TENM3: variants seen among roughly 807,000 people sequenced by gnomAD.
TENM3 encodes the protein teneurin transmembrane protein 3.
Under a neutral mutation model 255.1 loss-of-function variants are expected in TENM3, and 63 were observed. That is an observed-to-expected ratio of 0.25 (90% confidence interval 0.20 to 0.30). The LOEUF is 0.30. Among genes scored for constraint, TENM3 ranks in the 10% least tolerant of loss-of-function variants. The probability of loss-of-function intolerance (pLI) is 1.00; values close to 1 mark genes in which losing one functional copy is unlikely to be tolerated. For missense variants in TENM3, 2,929 were observed against 3,461.1 expected, an observed-to-expected ratio of 0.85 and a Z score of 3.86; for synonymous variants, 1,306 against 1,322.3, an observed-to-expected ratio of 0.99 and a Z score of 0.27.
chr4:182,255,848 A>G (rs1258705586), intron 1 of TENM3, among the ~76,000 whole-genome samples: 1 of 152,194 alleles, frequency 6.6e-6, no homozygotes, highest in Non-Finnish European at 1.5e-5. Context: ...TGAAGTACTG[A>G]AAAGTTATAT....
At chr4:182,273,761 T>C (rs1759808672) in intron 1 of TENM3, among the ~76,000 whole-genome samples, 1 of 152,196 alleles carries the variant, frequency 6.6e-6, no homozygotes, top group African/African-American at 2.4e-5. Context: ...TTTCCAGCAG[T>C]GAATACCCTG....
At chr4:182,067,968 A>G in the TENM3 span, among the ~76,000 whole-genome samples, 1 of 152,150 alleles carries the variant, frequency 6.6e-6, no homozygotes, top group African/African-American at 2.4e-5. Context: ...GCTGCCAGGA[A>G]AGAGAACTAG....
chr4:182,100,580 T>TATATGCAC, the TENM3 span, among the ~76,000 whole-genome samples: 1 of 99,504 alleles, frequency 1.0e-5, no homozygotes, highest in African/African-American at 4.6e-5. Flanking sequence ...TATATACACA[T>TATATGCAC]ATATATACAC....
At chr4:182,223,537 A>G (rs1202827965) in intron 1 of TENM3, among the ~76,000 whole-genome samples, 1 of 152,208 alleles carries the variant, frequency 6.6e-6, no homozygotes, top group Non-Finnish European at 1.5e-5. Context: ...CTTACAGTTT[A>G]TAACATGTTT....
the TENM3 span, among the ~76,000 whole-genome samples, chr4:182,123,008 C>T: frequency 6.6e-6 from 1 of 152,188 alleles, no homozygotes; most frequent in Non-Finnish European, 1.5e-5. Context: ...TTTCCTTAAA[C>T]CAACTTCTTG....
At chr4:182,473,236 A>C (rs1036143417) in intron 3 of TENM3, among the ~76,000 whole-genome samples, 2 of 152,192 alleles carry the variant, frequency 1.3e-5, no homozygotes, top group African/African-American at 4.8e-5. Flanking sequence ...GAAAATGTCT[A>C]TGGCTTCAAG....
At chr4:182,370,423 A>G (rs1021445450) in intron 3 of TENM3, among the ~76,000 whole-genome samples, 13 of 152,188 alleles carry the variant, frequency 8.5e-5, no homozygotes, top group Non-Finnish European at 1.5e-5. Flanking sequence ...TTTTTGATGA[A>G]TACCTTACCA....
intron 3 of TENM3, among the ~76,000 whole-genome samples, chr4:182,413,421 A>C (rs1770148899): frequency 6.6e-6 from 1 of 152,184 alleles, no homozygotes; most frequent in East Asian, 1.9e-4. Context: ...GTCTGAGAAC[A>C]GCCTGGCCAA....
At chr4:182,187,023 A>G (rs1753207128) in intron 1 of TENM3, among the ~76,000 whole-genome samples, 1 of 151,158 alleles carries the variant, frequency 6.6e-6, no homozygotes, top group African/African-American at 2.4e-5. Context: ...CAGTTGTTTG[A>G]CTATATTATT....
At chr4:181,760,997 C>T in the TENM3 span, among the ~76,000 whole-genome samples, 2 of 132,680 alleles carry the variant, frequency 1.5e-5, no homozygotes, top group Non-Finnish European at 3.2e-5. Flanking sequence ...CACACACACA[C>T]ACACACACAC....
At chr4:182,325,304 A>G (rs901549320) in intron 2 of TENM3, among the ~76,000 whole-genome samples, 4 of 152,358 alleles carry the variant, frequency 2.6e-5, no homozygotes, top group South Asian at 2.1e-4. Flanking sequence ...AAAATTTTCC[A>G]TGGTTCTTTT....
chr4:182,601,592 G>A (rs1417769194), intron 4 of TENM3, among the ~76,000 whole-genome samples: 1 of 152,090 alleles, frequency 6.6e-6, no homozygotes, highest in Non-Finnish European at 1.5e-5. Flanking sequence ...TATATTCATA[G>A]TGGAGCCCCA....
At chr4:181,925,751 T>C in the TENM3 span, among the ~76,000 whole-genome samples, 1 of 152,216 alleles carries the variant, frequency 6.6e-6, no homozygotes, top group Non-Finnish European at 1.5e-5. Context: ...ACATCCAGCA[T>C]CTCCTTTTAT....
intron 1 of TENM3, among the ~76,000 whole-genome samples, chr4:182,294,516 G>A (rs1363759194): frequency 3.3e-5 from 5 of 152,190 alleles, no homozygotes; most frequent in South Asian, 2.1e-4. Flanking sequence ...AAGTGAGAGC[G>A]TCTGGGTGAG....
the TENM3 span, among the ~76,000 whole-genome samples, chr4:181,957,254 A>G: frequency 6.6e-6 from 1 of 152,240 alleles, no homozygotes; most frequent in Non-Finnish European, 1.5e-5. Flanking sequence ...ATTACTGTGT[A>G]CAATGGGTTT....
the TENM3 span, among the ~76,000 whole-genome samples, chr4:181,672,634 A>T: frequency 1.3e-5 from 2 of 151,832 alleles, no homozygotes; most frequent in African/African-American, 4.8e-5. Context: ...AGCTGTTAGC[A>T]TGATGTGTTT....
At chr4:182,453,516 G>A (rs1241455811) in intron 3 of TENM3, among the ~76,000 whole-genome samples, 1 of 152,128 alleles carries the variant, frequency 6.6e-6, no homozygotes, top group African/African-American at 2.4e-5. Context: ...TGTACATTGA[G>A]GAGGCAGAAT....
chr4:182,167,049 C>T (rs2149675408), intron 1 of TENM3, among the ~76,000 whole-genome samples: 1 of 152,174 alleles, frequency 6.6e-6, no homozygotes, highest in South Asian at 2.1e-4. Context: ...TTTTGGTGTG[C>T]TCTATGGTTA....
the TENM3 span, among the ~76,000 whole-genome samples, chr4:182,100,612 CAT>C: frequency 0.022 from 2,380 of 105,984 alleles, 255 homozygotes; most frequent in Non-Finnish European, 0.033. Flanking sequence ...TATATACACA[CAT>C]ATATATACAC....
Sources: allele counts gnomAD v4.1 joint callset (sites outside exome capture counted in the v4.1 genomes callset), GRCh38; gene constraint gnomAD v4.1.1; transcripts MANE v1.5; gene names NCBI Gene and HGNC (gene_info 2026-07-23, HGNC 2026-07-21).